Variants in DSCAM observed in about 807,000 individuals in gnomAD.
The protein encoded by DSCAM is cell adhesion molecule DSCAM.
DSCAM carries 47 observed loss-of-function variants against 217.7 expected under a neutral mutation model. The observed-to-expected ratio is 0.22, with a 90% CI of 0.17 to 0.28. The LOEUF is 0.28. Ranked by LOEUF, DSCAM falls within the 10% of genes least tolerant of loss-of-function variation. The probability of loss-of-function intolerance (pLI) is 1.00; values close to 1 mark genes in which losing one functional copy is unlikely to be tolerated. For missense variants in DSCAM, 2,080 were observed against 2,618.3 expected (o/e 0.79, Z 4.49); for synonymous variants, 1,056 against 1,015.3 (o/e 1.04, Z -0.76).
intron 3 of DSCAM, among the ~76,000 whole-genome samples, chr21:40,432,622 C>A (rs1299911838): frequency 9.2e-5 from 14 of 152,194 alleles, no homozygotes; most frequent in Admixed American, 9.2e-4. Context: ...TTCAGCCTAT[C>A]ATATAGGACA....
chr21:40,702,527 C>T (rs1170003986), intron 2 of DSCAM, among the ~76,000 whole-genome samples: 1 of 151,986 alleles, frequency 6.6e-6, no homozygotes, highest in Non-Finnish European at 1.5e-5. Flanking sequence ...GCTATTTGTG[C>T]CTTTGTATTT....
chr21:40,029,462 G>C (rs896258135), intron 32 of DSCAM, among the ~76,000 whole-genome samples: 2 of 151,298 alleles, frequency 1.3e-5, no homozygotes, highest in East Asian at 1.9e-4. Context: ...GCCACTGCCT[G>C]GTGCCAACTT....
chr21:40,413,575 C>G (rs2075343022), intron 3 of DSCAM, among the ~76,000 whole-genome samples: 1 of 152,146 alleles, frequency 6.6e-6, no homozygotes, highest in Non-Finnish European at 1.5e-5. Context: ...CAATGCAATC[C>G]CAATCATCAT....
At chr21:40,322,252 C>G (rs1348890890) in intron 8 of DSCAM, among the ~76,000 whole-genome samples, 1 of 152,110 alleles carries the variant, frequency 6.6e-6, no homozygotes, top group Non-Finnish European at 1.5e-5. Context: ...TCTGTGGGTT[C>G]TCCCACAGAC....
chr21:40,058,158 C>T (rs528697601), intron 28 of DSCAM, among the ~76,000 whole-genome samples: 50 of 152,114 alleles, frequency 3.3e-4, no homozygotes, highest in Non-Finnish European at 5.9e-5. Flanking sequence ...AGGTGTGAGC[C>T]ACTGCGCCTG....
intron 1 of DSCAM, among the ~76,000 whole-genome samples, chr21:40,823,188 C>A (rs1042811634): frequency 9.3e-6 from 1 of 106,968 alleles, no homozygotes; most frequent in East Asian, 2.8e-4. Context: ...AATGCTTAAT[C>A]TTAGCATACA....
At chr21:40,746,198 C>T (rs954335647) in intron 1 of DSCAM, among the ~76,000 whole-genome samples, 1 of 151,444 alleles carries the variant, frequency 6.6e-6, no homozygotes, top group Non-Finnish European at 1.5e-5. Context: ...AGTAAAGCCC[C>T]ACCTAACAAT....
At chr21:40,819,179 T>C (rs1240605337) in intron 1 of DSCAM, among the ~76,000 whole-genome samples, 2 of 152,084 alleles carry the variant, frequency 1.3e-5, no homozygotes, top group Non-Finnish European at 2.9e-5. Flanking sequence ...TTAGAAAGGG[T>C]TAATATAAAT....
chr21:40,133,211 A>AT lies in DSCAM; in HGVS notation c.3562+642dup, dbSNP rs1277261832. 1.3e-4 allele frequency among the ~76,000 whole-genome samples: 20 copies of AT among 152,380 alleles called. No individual in the cohort carries two copies. In the East Asian group the frequency reaches 3.9e-3, roughly 29 times the overall value. On this transcript the variant is annotated intron_variant, in intron 19 of 32. Coordinates refer to ENST00000400454, the MANE Select transcript of DSCAM (RefSeq NM_001389.5). ...AAGGCCCCTCAGAGTTTCCCTTAAA[A>AT]TAATACAGAACCTTTGTTGTATGGT...
rs145725926 is a variant in DSCAM at position 40,374,085 on chromosome 21, T to C, written c.509-4840A>G. Among the ~76,000 whole-genome samples the C allele has an allele frequency of 8.3e-3, 1,261 of 152,304 alleles. 12 individuals carry two copies. The highest frequency in any genetic ancestry group is 0.018 in the Admixed American group (277 of 15,300). On this transcript the variant is annotated intron_variant, in intron 3 of 32. Transcript: ENST00000400454. The stretch of plus-strand genomic sequence containing the variant: ...ACAAAAAAAGGGATAAGTGAGGTGG[T>C]AGATATGTTCATCATCTTGATGTAA...
At chr21:40,542,920 A>G (rs1242602456) in intron 3 of DSCAM, among the ~76,000 whole-genome samples, 1 of 152,080 alleles carries the variant, frequency 6.6e-6, no homozygotes, top group African/African-American at 2.4e-5. Context: ...AGCTCCAGGT[A>G]GGTGTCCTCT....
chr21:40,119,713 G>A (rs1316484801), intron 20 of DSCAM, among the ~76,000 whole-genome samples: 1 of 151,678 alleles, frequency 6.6e-6, no homozygotes, highest in African/African-American at 2.4e-5. Context: ...AAAGCAAATT[G>A]CTATCTAGTA....
chr21:40,361,850 T>C (rs1411726120), intron 4 of DSCAM, among the ~76,000 whole-genome samples: 1 of 152,226 alleles, frequency 6.6e-6, no homozygotes, highest in Non-Finnish European at 1.5e-5. Flanking sequence ...ATCCTTCTCT[T>C]GCTCACATGC....
intron 3 of DSCAM, among the ~76,000 whole-genome samples, chr21:40,437,555 T>C (rs2075594074): frequency 6.6e-6 from 1 of 152,028 alleles, no homozygotes; most frequent in African/African-American, 2.4e-5. Context: ...TTCACAGACC[T>C]TAAAAGAAGA....
At chr21:40,816,523 C>T (rs1299675397) in intron 1 of DSCAM, among the ~76,000 whole-genome samples, 7 of 152,126 alleles carry the variant, frequency 4.6e-5, no homozygotes, top group Non-Finnish European at 8.8e-5. Flanking sequence ...TTCCAGCGAG[C>T]CGAGATTGCA....
chr21:40,790,184 T>TC (rs1403627098), intron 1 of DSCAM, among the ~76,000 whole-genome samples: 1 of 140,514 alleles, frequency 7.1e-6, no homozygotes, highest in Non-Finnish European at 1.5e-5. Flanking sequence ...TTCTTTCTTT[T>TC]TTTTTTTTTT....
At chr21:40,230,660 T>C (rs1379081876) in intron 11 of DSCAM, among the ~76,000 whole-genome samples, 1 of 152,242 alleles carries the variant, frequency 6.6e-6, no homozygotes, top group Non-Finnish European at 1.5e-5. Flanking sequence ...TTTTACTTAG[T>C]TAAAAATATT....
intron 3 of DSCAM, among the ~76,000 whole-genome samples, chr21:40,643,018 C>G (rs2089902141): frequency 6.6e-6 from 1 of 152,150 alleles, no homozygotes; most frequent in Non-Finnish European, 1.5e-5. Flanking sequence ...GTGTTTCAGG[C>G]TCCTGGCACC....
intron 3 of DSCAM, among the ~76,000 whole-genome samples, chr21:40,492,433 TC>T (rs2076083081): frequency 6.6e-6 from 1 of 151,814 alleles, no homozygotes; most frequent in Non-Finnish European, 1.5e-5. Flanking sequence ...CACAAATAAT[TC>T]AAAAAATTTT....
Sources: gnomAD v4.1 joint callset for allele counts (sites outside exome capture counted in the v4.1 genomes callset) on GRCh38, gnomAD v4.1.1 for gene constraint, MANE v1.5 for transcripts, NCBI Gene and HGNC (gene_info 2026-07-23, HGNC 2026-07-21) for gene names.